ARHGEF10L: variants seen among roughly 807,000 people sequenced by gnomAD.
ARHGEF10L encodes the protein rho guanine nucleotide exchange factor 10-like protein.
Under a neutral mutation model 141.2 loss-of-function variants are expected in ARHGEF10L, and 69 were observed. The observed-to-expected ratio is 0.49, with a 90% CI of 0.40 to 0.60. The LOEUF is 0.60. ARHGEF10L is among the 20% of genes least tolerant of loss of function. ARHGEF10L has a pLI of 0.00. For synonymous variants in ARHGEF10L, 711 were observed against 718.5 expected (o/e 0.99, Z 0.17); for missense variants, 1,482 against 1,734.3 (o/e 0.85, Z 2.58).
At chr1:17,684,349 C>T (rs1172760219) in intron 26 of ARHGEF10L, among the ~76,000 whole-genome samples, 1 of 152,208 alleles carries the variant, frequency 6.6e-6, no homozygotes, top group South Asian at 2.1e-4. Flanking sequence ...ACGGCCCGGG[C>T]TGTGGGCAGC....
intron 25 of ARHGEF10L, among the ~76,000 whole-genome samples, chr1:17,658,076 C>T (rs2062387412): frequency 6.6e-6 from 1 of 152,260 alleles, no homozygotes; most frequent in African/African-American, 2.4e-5. Flanking sequence ...CCAGCTGCTT[C>T]AGGTGTTTCC....
intron 1 of ARHGEF10L, among the ~76,000 whole-genome samples, chr1:17,561,449 C>T (rs2077540425): frequency 6.6e-6 from 1 of 152,198 alleles, no homozygotes; most frequent in South Asian, 2.1e-4. Context: ...CGCAGCCTTG[C>T]AGTCAGAGGC....
At chr1:17,539,668 C>A (rs1425232809), upstream of ARHGEF10L, among the ~76,000 whole-genome samples, 1 of 148,216 alleles carries the variant, frequency 6.7e-6, no homozygotes, top group African/African-American at 2.4e-5. This position sits in a 1 kb window ranked among gnomAD's most constrained non-coding sequence, Gnocchi z 6.0. Context: ...AGCCGCGGCG[C>A]CCCGGGACCG....
At chr1:17,679,524 C>G (rs770699319) in intron 26 of ARHGEF10L, among the ~76,000 whole-genome samples, 2 of 152,132 alleles carry the variant, frequency 1.3e-5, no homozygotes, top group Non-Finnish European at 1.5e-5. Flanking sequence ...GACTGGTCAC[C>G]CTAGGTTTGA....
chr1:17,589,542 G>T (rs547244270), intron 4 of ARHGEF10L, among the ~76,000 whole-genome samples: 5 of 152,348 alleles, frequency 3.3e-5, no homozygotes, highest in African/African-American at 1.2e-4. Context: ...AGAGATGCAG[G>T]TTGCAGGCCC....
At chr1:17,618,982 T>G (rs2059961463) in intron 9 of ARHGEF10L, among the ~76,000 whole-genome samples, 1 of 152,214 alleles carries the variant, frequency 6.6e-6, no homozygotes, top group African/African-American at 2.4e-5. Context: ...GATGGGGACA[T>G]GGGCAGCTAG....
intron 1 of ARHGEF10L, among the ~76,000 whole-genome samples, chr1:17,567,596 G>T (rs1277024040): frequency 6.6e-6 from 1 of 152,130 alleles, no homozygotes; most frequent in Non-Finnish European, 1.5e-5. Context: ...TCAAACTCCT[G>T]ACCTCAAGTG....
At chr1:17,676,707 G>C (rs956293960) in intron 26 of ARHGEF10L, among the ~76,000 whole-genome samples, 6 of 151,920 alleles carry the variant, frequency 3.9e-5, no homozygotes, top group African/African-American at 1.5e-4. Flanking sequence ...CAAAGTCAAG[G>C]CCCCCCAGGC....
At chr1:17,595,451 G>A (rs1227469507) in intron 4 of ARHGEF10L, among the ~76,000 whole-genome samples, 3 of 152,066 alleles carry the variant, frequency 2.0e-5, no homozygotes, top group African/African-American at 7.2e-5. Flanking sequence ...CATGTGTGTG[G>A]GGGGCCACCT....
intron 13 of ARHGEF10L, among the ~76,000 whole-genome samples, chr1:17,624,880 G>A (rs1451147488): frequency 2.0e-5 from 3 of 152,204 alleles, no homozygotes; most frequent in Non-Finnish European, 2.9e-5. Context: ...AAAGGGTGAG[G>A]AAATTCCTTA....
Position 17,664,444 on chromosome 1 carries a change from C to T in ARHGEF10L, c.2861-3C>T. The T allele has an allele frequency of 1.9e-6, 3 of 1,602,012 alleles. No homozygotes were observed. The highest frequency in any genetic ancestry group is 2.5e-6 in the Non-Finnish European group (3 of 1,179,458). On this transcript the variant is annotated splice_polypyrimidine_tract_variant and splice_region_variant and intron_variant, in intron 25 of 28. Transcript: ENST00000361221. ...CTGACCTGCCTCCCCTCTCTCCCTG[C>T]AGGAGGTGTCCTGTGGGACCTGGAG... is the stretch of plus-strand genomic sequence containing the variant.
intron 22 of ARHGEF10L, among the ~76,000 whole-genome samples, chr1:17,653,639 G>A (rs1249377671): frequency 6.6e-6 from 1 of 152,262 alleles, no homozygotes; most frequent in African/African-American, 2.4e-5. Flanking sequence ...CACTTTTTCA[G>A]CAGGCAGAAC....
Position 17,680,787 on chromosome 1 carries a change from CT to C in ARHGEF10L, c.3010-6773del, listed in dbSNP as rs34585748. Among the ~76,000 whole-genome samples the C allele has an allele frequency of 2.9e-3, 391 of 136,266 alleles. 1 individual carries two copies. The highest frequency in any genetic ancestry group is 3.8e-3 in the Non-Finnish European group (245 of 63,650). The allele number at this position is 136,266 out of a possible 152,430, so 89.4% of individuals were successfully genotyped here. ...AATTACTTTGCCTTTTCTCCCATAA[CT>C]TTTTTTTTTTTTGGAGACGGAGTTT... On this transcript the variant is annotated intron_variant, in intron 26 of 28. Coordinates refer to ENST00000361221, the MANE Select transcript of ARHGEF10L (RefSeq NM_018125.4).
At chr1:17,581,951 T>C (rs1389630847) in intron 2 of ARHGEF10L, among the ~76,000 whole-genome samples, 2 of 152,050 alleles carry the variant, frequency 1.3e-5, no homozygotes, top group African/African-American at 4.8e-5. Flanking sequence ...CTAGGGTCCC[T>C]CGCCTCCTGG....
the ARHGEF10L span, among the ~76,000 whole-genome samples, chr1:17,533,937 A>G: frequency 2.0e-5 from 3 of 151,536 alleles, no homozygotes; most frequent in South Asian, 2.1e-4. Context: ...GGAAGTCCAC[A>G]TTCCCATCCA....
chr1:17,684,753 G>C (rs1466689690), intron 26 of ARHGEF10L, among the ~76,000 whole-genome samples: 1 of 152,156 alleles, frequency 6.6e-6, no homozygotes, highest in Non-Finnish European at 1.5e-5. Context: ...CCCCTGGTCA[G>C]GGGTGGGCTG....
In ARHGEF10L at chr1:17,672,883, G is replaced by A. The variant is rs1004690807; in HGVS notation, c.3009+8288G>A. ...GGCTGGTTGCAAACTCGGGCCTGGAGGGGGTGAAGAGCATCTCAAGGCATG... is the reference window on the plus strand; with the variant it reads ...GGCTGGTTGCAAACTCGGGCCTGGAAGGGGTGAAGAGCATCTCAAGGCATG... On this transcript the variant is annotated intron_variant, in intron 26 of 28. Transcript: ENST00000361221. Among the ~76,000 whole-genome samples the A allele has an allele frequency of 5.9e-5, 9 of 152,182 alleles. No individual in the cohort carries two copies. The South Asian group carries it at 8.3e-4, about 14-fold the overall frequency.
At position 17,607,811 on chromosome 1, in the gene ARHGEF10L, G is replaced by A. The variant is rs1241326938; in HGVS notation, c.443G>A (p.Arg148Lys). The change falls in exon 7 of 29, where the codon AGG becomes AAG. Residue 148 changes from arginine to lysine, a missense_variant. Around this residue, in one of 3 missense-constraint regions of ARHGEF10L, gnomAD observed 232 missense variants for 225.9 expected, o/e 1.03. Transcript: ENST00000361221. This position sits in a 1 kb window ranked among gnomAD's most constrained non-coding sequence, Gnocchi z 4.5. ...GCCGCTTGGCCAGCAGGGGCAGAGAGGAACCTGCTCTACGAGGATGCGCAC... is the reference window on the plus strand; with the variant it reads ...GCCGCTTGGCCAGCAGGGGCAGAGAAGAACCTGCTCTACGAGGATGCGCAC... ...SPDAHQPGAERNLLYEDAHRA... is the reference protein window; with the variant it reads ...SPDAHQPGAEKNLLYEDAHRA... 7 of 1,582,810 alleles carry A rather than the reference G, an allele frequency of 4.4e-6. No homozygotes were observed. In the South Asian group the frequency reaches 6.8e-5, roughly 15 times the overall value.
At chr1:17,574,896 C>T (rs562176065) in intron 1 of ARHGEF10L, among the ~76,000 whole-genome samples, 87 of 152,310 alleles carry the variant, frequency 5.7e-4, no homozygotes, top group African/African-American at 1.3e-3. Context: ...TTCCGGGCCC[C>T]GGGCTTTCAG....
Sources: gnomAD v4.1 joint callset for allele counts (sites outside exome capture counted in the v4.1 genomes callset) on GRCh38, gnomAD v4.1.1 for gene constraint, gnomAD v4.1.1 regional missense constraint, Gnocchi (gnomAD v3.1) non-coding constraint, MANE v1.5 for transcripts, NCBI Gene and HGNC (gene_info 2026-07-23, HGNC 2026-07-21) for gene names.